The following ARHGAP12 variants were observed in gnomAD, a reference collection of about 807,000 sequenced individuals.
ARHGAP12 encodes the protein Rho GTPase activating protein 12, also known as rho GTPase-activating protein 12.
A neutral mutation model predicts 108.6 loss-of-function variants in ARHGAP12; 64 were observed. That is an observed-to-expected ratio of 0.59 (90% CI 0.48 to 0.73). The LOEUF is 0.73. ARHGAP12 is among the 30% of genes least tolerant of loss of function. The probability of loss-of-function intolerance (pLI) is 0.00; values close to 1 mark genes in which losing one functional copy is unlikely to be tolerated. For synonymous variants in ARHGAP12, 312 were observed against 337.2 expected (o/e 0.93, Z 0.82); for missense variants, 940 against 1,005.9 (o/e 0.93, Z 0.89).
Position 31,811,829 on chromosome 10 carries a change from C to G in ARHGAP12, c.1951+878G>C, listed in dbSNP as rs546150343. Reference sequence around the variant, plus strand: ...GACTACAGGTGTGTGCCACCACACCCAACTAATTCTTTGTAGAGAGAGGGT... The same window carrying G: ...GACTACAGGTGTGTGCCACCACACCGAACTAATTCTTTGTAGAGAGAGGGT... On this transcript the variant is annotated intron_variant, in intron 15 of 19. Coordinates refer to ENST00000344936, the MANE Select transcript of ARHGAP12 (RefSeq NM_018287.7). 1.9e-3 allele frequency among the ~76,000 whole-genome samples: 284 copies of G among 152,096 alleles called. 3 individuals are homozygous for G. The highest frequency in any genetic ancestry group is 6.6e-3 in the African/African-American group (273 of 41,518).
intron 3 of ARHGAP12, among the ~76,000 whole-genome samples, chr10:31,881,718 C>T (rs1656854419): frequency 6.6e-6 from 1 of 152,178 alleles, no homozygotes. Context: ...CTATTACTCA[C>T]TATCCATATT....
Position 31,908,311 on chromosome 10 carries a change from C to T in ARHGAP12, c.545G>A (p.Gly182Asp). The T allele has an allele frequency of 6.2e-7, 1 of 1,614,086 alleles. No individual in the cohort carries two copies. The highest frequency in any genetic ancestry group is 8.5e-7 in the Non-Finnish European group (1 of 1,180,024). Reference protein sequence around the residue: ...NRTRSFGHFPGPEFLDVEKTS... With the variant: ...NRTRSFGHFPDPEFLDVEKTS... ...TTTCTCTACATCCAAGAACTCTGGACCGGGAAAATGACCAAATGAGCGTGT... is the reference window on the plus strand; with the variant it reads ...TTTCTCTACATCCAAGAACTCTGGATCGGGAAAATGACCAAATGAGCGTGT... The change falls in exon 3 of 20, where the codon GGT becomes GAT. Residue 182 changes from glycine (G) to aspartate (D), a missense_variant. Physicochemically the swap from Gly to Asp is moderately conservative, Grantham distance 94. Transcript: ENST00000344936.
chr10:31,826,413 G>A (rs1387160856), intron 10 of ARHGAP12, 28 bp from the exon 11 acceptor site: 1 of 1,578,352 alleles, frequency 6.3e-7, no homozygotes, highest in East Asian at 2.2e-5. Flanking sequence ...ACCGATTAAA[G>A]CTCCAATCTC....
chr10:31,902,426 A>G (rs1838966536), intron 3 of ARHGAP12, among the ~76,000 whole-genome samples: 1 of 152,076 alleles, frequency 6.6e-6, no homozygotes, highest in African/African-American at 2.4e-5. Context: ...CTATAATCCC[A>G]ATACACTGGG....
chr10:31,849,044 C>T (rs570361663), intron 6 of ARHGAP12, among the ~76,000 whole-genome samples: 3 of 150,482 alleles, frequency 2.0e-5, no homozygotes, highest in African/African-American at 4.9e-5. Flanking sequence ...GGCGACAGAG[C>T]GAGACTCGTC....
intron 3 of ARHGAP12, among the ~76,000 whole-genome samples, chr10:31,903,697 AC>A (rs1008555332): frequency 2.0e-5 from 3 of 152,282 alleles, no homozygotes; most frequent in Admixed American, 2.0e-4. Context: ...ATATCTGCAA[AC>A]CATGTATTTG....
intron 7 of ARHGAP12, among the ~76,000 whole-genome samples, chr10:31,842,442 A>T (rs1836304574): frequency 6.6e-6 from 1 of 152,046 alleles, no homozygotes; most frequent in African/African-American, 2.4e-5. Context: ...TCAACACAAG[A>T]TCCTTACAAA....
intron 1 of ARHGAP12, among the ~76,000 whole-genome samples, chr10:31,920,105 C>CAAAA (rs568653205): frequency 4.4e-5 from 5 of 113,840 alleles, no homozygotes; most frequent in African/African-American, 1.6e-4. Flanking sequence ...GACTCTGTCT[C>CAAAA]AAAAAAAAAA....
intron 3 of ARHGAP12, among the ~76,000 whole-genome samples, chr10:31,883,226 C>T (rs912758602): frequency 6.6e-6 from 1 of 151,850 alleles, no homozygotes; most frequent in East Asian, 1.9e-4. Context: ...ACCTGGGAGG[C>T]GGAGGTTGTG....
intron 3 of ARHGAP12, among the ~76,000 whole-genome samples, chr10:31,875,466 G>A (rs1837694524): frequency 6.6e-6 from 1 of 152,168 alleles, no homozygotes; most frequent in Admixed American, 6.5e-5. Context: ...GTTCCCACAA[G>A]CAAGTTCTCC....
At chr10:31,836,069 AT>A (rs1836004835) in intron 9 of ARHGAP12, among the ~76,000 whole-genome samples, 1 of 152,228 alleles carries the variant, frequency 6.6e-6, no homozygotes, top group Non-Finnish European at 1.5e-5. Flanking sequence ...AGAATTAAAC[AT>A]TCATGTTTTT....
intron 9 of ARHGAP12, among the ~76,000 whole-genome samples, 168 bp downstream of exon 9, chr10:31,839,137 A>C (rs1836150574): frequency 6.6e-6 from 1 of 152,202 alleles, no homozygotes; most frequent in Non-Finnish European, 1.5e-5. Flanking sequence ...CATCAGAGTT[A>C]AGACAGGTAT....
chr10:31,858,340 A>G (rs1165488160), intron 4 of ARHGAP12, among the ~76,000 whole-genome samples: 1 of 152,254 alleles, frequency 6.6e-6, no homozygotes, highest in Non-Finnish European at 1.5e-5. Flanking sequence ...ATATGACAGC[A>G]GCAGCACAAC....
At chr10:31,811,685 T>TTTTA (rs1564364266) in intron 15 of ARHGAP12, among the ~76,000 whole-genome samples, 3 of 49,858 alleles carry the variant, frequency 6.0e-5, no homozygotes, top group African/African-American at 3.5e-4. Flanking sequence ...ATTTTATTTT[T>TTTTA]TTTAAGACAG....
At chr10:31,816,380 A>C (rs1407473099) in intron 13 of ARHGAP12, among the ~76,000 whole-genome samples, 1 of 152,152 alleles carries the variant, frequency 6.6e-6, no homozygotes, top group Non-Finnish European at 1.5e-5. Flanking sequence ...TACCATCGTA[A>C]CACTCATCAC....
At chr10:31,897,141 T>G (rs372928059) in intron 3 of ARHGAP12, among the ~76,000 whole-genome samples, 15 of 152,210 alleles carry the variant, frequency 9.9e-5, no homozygotes, top group African/African-American at 3.4e-4. Context: ...GATACTCCCA[T>G]AGCTCTGACA....
intron 3 of ARHGAP12, among the ~76,000 whole-genome samples, chr10:31,880,990 G>C (rs993999153): frequency 1.3e-5 from 2 of 151,568 alleles, no homozygotes; most frequent in Admixed American, 1.3e-4. Flanking sequence ...TTGAGCTCAA[G>C]AGGGCAAGGC....
chr10:31,857,304 C>A (rs1198229874), intron 4 of ARHGAP12, among the ~76,000 whole-genome samples: 5 of 152,080 alleles, frequency 3.3e-5, no homozygotes, highest in African/African-American at 1.2e-4. Flanking sequence ...TATCGGGAAA[C>A]TCCCCTAAAC....
chr10:31,829,715 C>T (rs182788737), intron 10 of ARHGAP12, among the ~76,000 whole-genome samples: 2 of 152,330 alleles, frequency 1.3e-5, no homozygotes, highest in Admixed American at 1.3e-4. Context: ...CAAAGATTCA[C>T]TCAGGTGCAA....
Sources: allele counts gnomAD v4.1 joint callset (sites outside exome capture counted in the v4.1 genomes callset), GRCh38; gene constraint gnomAD v4.1.1; transcripts MANE v1.5; gene names NCBI Gene and HGNC (gene_info 2026-07-23, HGNC 2026-07-21).